The following NUP62CL variants were observed in gnomAD, a reference collection of about 807,000 sequenced individuals.
NUP62CL encodes nucleoporin-62 C-terminal-like protein.
Under a neutral mutation model 15.3 loss-of-function variants are expected in NUP62CL, and 13 were observed. The observed-to-expected ratio is 0.85, with a 90% CI of 0.55 to 1.35. The LOEUF (loss-of-function observed/expected upper bound fraction) is 1.35, where lower values mean the gene tolerates loss of function less well. Among genes scored for constraint, NUP62CL ranks in the 40% most tolerant of loss-of-function variants. The pLI is 0.00. For synonymous variants in NUP62CL, 54 were observed against 49.2 expected (o/e 1.10, Z -0.41); for missense variants, 123 against 130.6 (o/e 0.94, Z 0.28).
At chrX:107,131,807 G>T in intron 8 of NUP62CL, 1 of 1,137,037 alleles carries the variant, frequency 8.8e-7, no homozygotes, top group African/African-American at 1.8e-5. Flanking sequence ...CAAGTGGACA[G>T]CTGTGTCTTT....
chrX:107,190,803 C>G (rs1010500989), intron 2 of NUP62CL, among the ~76,000 whole-genome samples: 3 of 110,061 alleles, frequency 2.7e-5, no homozygotes, highest in African/African-American at 1.0e-4. Flanking sequence ...GTTGGCTGAG[C>G]GGCATGCCTC....
At chrX:107,141,895 C>A (rs1259514964) in intron 8 of NUP62CL, among the ~76,000 whole-genome samples, 2 of 109,024 alleles carry the variant, frequency 1.8e-5, no homozygotes, top group East Asian at 2.9e-4. Context: ...CCTGTCTCTA[C>A]CAAAAAATAC....
chrX:107,161,967 G>A (rs1449455541), intron 4 of NUP62CL, among the ~76,000 whole-genome samples: 1 of 106,843 alleles, frequency 9.4e-6, no homozygotes, highest in Non-Finnish European at 1.9e-5. Context: ...TCAAAAAAAG[G>A]CTCAAACAAG....
intron 2 of NUP62CL, among the ~76,000 whole-genome samples, chrX:107,180,946 G>A (rs1330887482): frequency 2.0e-3 from 180 of 89,593 alleles, no homozygotes; most frequent in Non-Finnish European, 3.4e-3. Flanking sequence ...GTGGAGTCTC[G>A]CTTTGTCACC....
chrX:107,197,189 C>T (rs553241806), intron 1 of NUP62CL, among the ~76,000 whole-genome samples: 3 of 111,631 alleles, frequency 2.7e-5, no homozygotes, highest in South Asian at 7.6e-4. Flanking sequence ...TCTTTATTCT[C>T]TTAATTTTTC....
At chrX:107,191,431 C>T (rs1386478915) in intron 2 of NUP62CL, among the ~76,000 whole-genome samples, 2 of 109,840 alleles carry the variant, frequency 1.8e-5, no homozygotes, top group Non-Finnish European at 3.8e-5. Flanking sequence ...CTTATATGGC[C>T]GGGCGCCGTG....
intron 4 of NUP62CL, among the ~76,000 whole-genome samples, chrX:107,166,664 C>G (rs1200778330): frequency 8.9e-6 from 1 of 111,753 alleles, no homozygotes; most frequent in Non-Finnish European, 1.9e-5. Context: ...CTGGAAACAA[C>G]CTATATGTCC....
chrX:107,160,967 C>T (rs1356224229), intron 4 of NUP62CL, among the ~76,000 whole-genome samples: 242 of 98,163 alleles, frequency 2.5e-3, no homozygotes, highest in African/African-American at 4.4e-3. Context: ...AAAAAGTGGG[C>T]GAGGGACATG....
At chrX:107,139,398 T>A (rs1925714931) in intron 8 of NUP62CL, among the ~76,000 whole-genome samples, 1 of 111,679 alleles carries the variant, frequency 9.0e-6, no homozygotes, top group Non-Finnish European at 1.9e-5. Context: ...TGTACTACAG[T>A]TTTGCAAGAT....
chrX:107,154,060 C>A (rs753396788), intron 5 of NUP62CL, 36 bp downstream of exon 5: 1 of 1,122,543 alleles, frequency 8.9e-7, no homozygotes, highest in South Asian at 2.1e-5. Flanking sequence ...CAAATACTTG[C>A]ACAATGTAGG....
intron 1 of NUP62CL, among the ~76,000 whole-genome samples, chrX:107,199,639 T>C (rs1927435163): frequency 8.9e-6 from 1 of 112,176 alleles, no homozygotes; most frequent in Non-Finnish European, 1.9e-5. Flanking sequence ...AATCATCAAG[T>C]TCCACGAATG....
At chrX:107,164,739 C>G (rs770336148) in intron 4 of NUP62CL, among the ~76,000 whole-genome samples, 1 of 112,456 alleles carries the variant, frequency 8.9e-6, no homozygotes, top group African/African-American at 3.2e-5. Context: ...CAAAGATGAA[C>G]TAGATAACCT....
chrX:107,175,396 T>C (rs1430565799), intron 2 of NUP62CL, among the ~76,000 whole-genome samples: 3 of 111,579 alleles, frequency 2.7e-5, no homozygotes. Context: ...TAGTCAGTCT[T>C]CTAGCACCAT....
chrX:107,133,401 C>T (rs1266682351), intron 8 of NUP62CL, among the ~76,000 whole-genome samples: 1 of 111,194 alleles, frequency 9.0e-6, no homozygotes, highest in Non-Finnish European at 1.9e-5. Context: ...GTAGCATGAC[C>T]GCGGCTTACT....
At position 107,167,129 on chromosome X, in the gene NUP62CL, C is replaced by T. The variant is rs753011401; in HGVS notation, c.194+520G>A. ...TATACATGTGACTCTACAATTATCC[C>T]AAAATAAAAAGCTTAATTTAAAAAA... On this transcript the variant is annotated intron_variant, in intron 4 of 8. Transcript: ENST00000372466. Among the ~76,000 whole-genome samples, 40 of 111,407 alleles carry T rather than the reference C, an allele frequency of 3.6e-4. 1 individual carries two copies. The highest frequency in any genetic ancestry group is 4.5e-4 in the Non-Finnish European group (24 of 52,942).
At chrX:107,153,375 A>C in intron 6 of NUP62CL, 69 bp from the exon 7 acceptor site, 1 of 1,110,439 alleles carries the variant, frequency 9.0e-7, no homozygotes, top group East Asian at 3.0e-5. Context: ...AAGAGTTAAC[A>C]AACTACAGAA....
At chrX:107,177,801 C>T (rs374649203) in intron 2 of NUP62CL, among the ~76,000 whole-genome samples, 13 of 111,485 alleles carry the variant, frequency 1.2e-4, no homozygotes, top group African/African-American at 2.6e-4. Context: ...TTCCTCAATG[C>T]GCTAACATAG....
At position 107,154,217 on chromosome X, in the gene NUP62CL, C is replaced by A. The variant is rs1926119253; in HGVS notation, c.224G>T (p.Gly75Val). The A allele has an allele frequency of 8.3e-7, 1 of 1,202,434 alleles. No homozygotes were observed. Among genetic ancestry groups the A allele is most frequent in the Non-Finnish European group, 1.1e-6 (1 of 890,052 alleles). Residue 75 changes from glycine to valine, a missense_variant, in exon 5 of 9, where the codon GGT becomes GTT. Gly to Val is a moderately radical substitution (Grantham distance 109). Coordinates refer to ENST00000372466, the MANE Select transcript of NUP62CL (RefSeq NM_017681.3). ...SVVATPVMTY[G>V]HLEGLINEWN... ...CTCATTTATAAGACCCTCCAGATGA[C>A]CATATGTCATCACAGGAGTTGCTAC...
Position 107,152,171 on chromosome X carries a change from G to GATAT in NUP62CL, c.530+997_530+1000dup, listed in dbSNP as rs777035967. On this transcript the variant is annotated intron_variant, in intron 7 of 8. Transcript: ENST00000372466. Reference sequence around the variant, plus strand: ...ATTCAGATATATATATATATATTCAGATATATATATATTCAGATATATATA... The same window carrying GATAT: ...ATTCAGATATATATATATATATTCAGATATATATATATATATTCAGATATATATA... 8.1e-4 allele frequency among the ~76,000 whole-genome samples: 57 copies of GATAT among 70,225 alleles called. 1 individual carries two copies. Among genetic ancestry groups the GATAT allele is most frequent in the Middle Eastern group, 0.014 (2 of 139 alleles). 61.0% of individuals were successfully genotyped at this position (70,225 alleles called of 115,157 possible). A position where few individuals can be genotyped will look rare whatever the true frequency, so the allele number is the denominator to read the frequency against.
Sources: gnomAD v4.1 joint callset for allele counts (sites outside exome capture counted in the v4.1 genomes callset) on GRCh38, gnomAD v4.1.1 for gene constraint, MANE v1.5 for transcripts, NCBI Gene and HGNC (gene_info 2026-07-23, HGNC 2026-07-21) for gene names.